PRKN: variants seen among roughly 807,000 people sequenced by gnomAD.
PRKN encodes E3 ubiquitin-protein ligase parkin.
In PRKN, 56 loss-of-function variants were observed where a neutral mutation model predicts 59.5. The ratio of observed to expected loss-of-function variants is 0.94; its 90% confidence interval spans 0.76 to 1.18. The LOEUF (loss-of-function observed/expected upper bound fraction) is 1.18, where lower values mean the gene tolerates loss of function less well. Ranked by LOEUF, PRKN falls within the 50% of genes most tolerant of loss-of-function variation. The probability of loss-of-function intolerance (pLI) is 0.00; values close to 1 mark genes in which losing one functional copy is unlikely to be tolerated. For synonymous variants in PRKN, 250 were observed against 222.1 expected (o/e 1.13, Z -1.12); for missense variants, 657 against 596.4 (o/e 1.10, Z -1.06).
intron 5 of PRKN, among the ~76,000 whole-genome samples, chr6:162,031,055 A>G (rs1273108825): frequency 1.3e-5 from 2 of 152,166 alleles, no homozygotes; most frequent in African/African-American, 4.8e-5. Context: ...GAAGAAGTTG[A>G]CATTACATAA....
chr6:162,186,987 A>G (rs1784060093), intron 4 of PRKN, among the ~76,000 whole-genome samples: 1 of 152,104 alleles, frequency 6.6e-6, no homozygotes, highest in Non-Finnish European at 1.5e-5. Flanking sequence ...TTCAGGTCTG[A>G]CCCGAGTCCC....
chr6:162,716,090 C>T (rs888685069), intron 1 of PRKN, among the ~76,000 whole-genome samples: 1 of 152,198 alleles, frequency 6.6e-6, no homozygotes, highest in Non-Finnish European at 1.5e-5. Context: ...ATCATAAATC[C>T]TATAATTTAA....
intron 5 of PRKN, among the ~76,000 whole-genome samples, chr6:161,989,589 A>G (rs1323747759): frequency 2.6e-5 from 4 of 151,844 alleles, no homozygotes; most frequent in African/African-American, 4.8e-5. Flanking sequence ...GGACCTGGGG[A>G]CCAATGTGTC....
intron 1 of PRKN, among the ~76,000 whole-genome samples, chr6:162,587,456 C>G (rs1781109588): frequency 6.6e-6 from 1 of 152,078 alleles, no homozygotes; most frequent in Non-Finnish European, 1.5e-5. Context: ...TTTATTAAAA[C>G]CTGGGGTTAC....
intron 2 of PRKN, among the ~76,000 whole-genome samples, chr6:162,359,079 A>AAATATATATATATATATAT (rs57265104): frequency 1.2e-5 from 1 of 83,274 alleles, no homozygotes; most frequent in African/African-American, 7.3e-5. Flanking sequence ...AAAAAAAAAA[A>AAATATATATATATATATAT]ATATATATAT....
intron 4 of PRKN, among the ~76,000 whole-genome samples, chr6:162,194,308 A>C (rs1784409737): frequency 6.6e-6 from 1 of 152,230 alleles, no homozygotes; most frequent in Admixed American, 6.5e-5. Context: ...TACTTGAATA[A>C]ATTCCAAAAG....
At chr6:162,367,559 T>C (rs1186780372) in intron 2 of PRKN, among the ~76,000 whole-genome samples, 3 of 152,174 alleles carry the variant, frequency 2.0e-5, no homozygotes, top group African/African-American at 7.2e-5. Context: ...GGACCATCTC[T>C]GATTTCATTC....
chr6:161,526,621 A>T lies in PRKN; in HGVS notation c.1083+22233T>A, dbSNP rs6933493. ...ATATAATGAAATAAAATCTCAAAGCATCAGTAATTGCTACATGAGGAGCAA... is the reference window on the plus strand; with the variant it reads ...ATATAATGAAATAAAATCTCAAAGCTTCAGTAATTGCTACATGAGGAGCAA... On this transcript the variant is annotated intron_variant, in intron 9 of 11. Coordinates refer to ENST00000366898, the MANE Select transcript of PRKN (RefSeq NM_004562.3). This position sits in a 1 kb window ranked among gnomAD's most constrained non-coding sequence, Gnocchi z 4.1. 0.071 allele frequency among the ~76,000 whole-genome samples: 10,744 copies of T among 151,092 alleles called. 512 individuals carry two copies. Among genetic ancestry groups the T allele is most frequent in the African/African-American group, 0.13 (5,408 of 41,316 alleles).
chr6:161,466,475 A>G lies in PRKN; in HGVS notation c.1084-79598T>C, dbSNP rs190688208. ...TTTCTCCTCCAGTCAACTAGTTTCTATTTTTGCACTCATCTGCTCTGATCT... is the reference window on the plus strand; with the variant it reads ...TTTCTCCTCCAGTCAACTAGTTTCTGTTTTTGCACTCATCTGCTCTGATCT... On this transcript the variant is annotated intron_variant, in intron 9 of 11. Coordinates refer to ENST00000366898, the MANE Select transcript of PRKN (RefSeq NM_004562.3). The surrounding 1 kb of genome is among the most constrained non-coding windows in gnomAD (Gnocchi z 5.0). Among the ~76,000 whole-genome samples, 378 of 152,224 alleles carry G rather than the reference A, an allele frequency of 2.5e-3. 1 individual carries two copies. Among genetic ancestry groups the G allele is most frequent in the African/African-American group, 8.7e-3 (363 of 41,548 alleles).
At chr6:161,899,294 A>G (rs1245535106) in intron 6 of PRKN, among the ~76,000 whole-genome samples, 1 of 152,242 alleles carries the variant, frequency 6.6e-6, no homozygotes. Flanking sequence ...GAGAATTACA[A>G]AATGTTATAC....
chr6:161,968,781 A>T (rs1780684945), intron 6 of PRKN, among the ~76,000 whole-genome samples: 1 of 152,184 alleles, frequency 6.6e-6, no homozygotes, highest in African/African-American at 2.4e-5. Context: ...ATAATATTTT[A>T]AAATAAAGAC....
chr6:162,710,291 G>A (rs756263640), intron 1 of PRKN, among the ~76,000 whole-genome samples: 3 of 151,016 alleles, frequency 2.0e-5, no homozygotes, highest in Non-Finnish European at 4.4e-5. Flanking sequence ...TCTGAACTCA[G>A]CTGCTTTAAG....
intron 3 of PRKN, among the ~76,000 whole-genome samples, chr6:162,217,006 T>A (rs1001869285): frequency 8.5e-5 from 13 of 152,212 alleles, no homozygotes; most frequent in African/African-American, 3.1e-4. Context: ...CTTTAATACT[T>A]AATTGATATT....
rs916056437 is a variant in PRKN at position 161,874,172 on chromosome 6, A to T, written c.735-88264T>A. On this transcript the variant is annotated intron_variant, in intron 6 of 11. Transcript: ENST00000366898. ...TAATATATATTATATATAATATATA[A>T]TATATATTATATATAATATATAATA... Among the ~76,000 whole-genome samples, 87 of 44,844 alleles carry T rather than the reference A, an allele frequency of 1.9e-3. 3 individuals are homozygous for T. The highest frequency in any genetic ancestry group is 0.014 in the East Asian group (17 of 1,190). The allele number at this position is 44,844 out of a possible 152,430, so 29.4% of individuals were successfully genotyped here. A position where few individuals can be genotyped will look rare whatever the true frequency, so the allele number is the denominator to read the frequency against.
rs1786828579 is a variant in PRKN, at chr6:161,397,687, T to G, written c.1084-10810A>C. ...ACAGAATAATGGCAATCATCAAACC[T>G]TTGCAGAATAAACAAGCAGTAGTAG... On this transcript the variant is annotated intron_variant, in intron 9 of 11. Coordinates refer to ENST00000366898, the MANE Select transcript of PRKN (RefSeq NM_004562.3). This position sits in a 1 kb window ranked among gnomAD's most constrained non-coding sequence, Gnocchi z 4.2. 6.6e-6 allele frequency among the ~76,000 whole-genome samples: 1 copy of G among 152,152 alleles called. No individual in the cohort carries two copies. Among genetic ancestry groups the G allele is most frequent in the South Asian group, 2.1e-4 (1 of 4,822 alleles).
intron 5 of PRKN, among the ~76,000 whole-genome samples, chr6:161,987,396 C>T (rs1167088963): frequency 2.0e-5 from 3 of 152,156 alleles, no homozygotes; most frequent in Non-Finnish European, 2.9e-5. Flanking sequence ...GTGCTTTATA[C>T]ATATGATCAT....
At chr6:161,805,062 C>A (rs189170608) in intron 6 of PRKN, among the ~76,000 whole-genome samples, 2 of 152,260 alleles carry the variant, frequency 1.3e-5, no homozygotes, top group Non-Finnish European at 2.9e-5. Flanking sequence ...GCCACTAAAC[C>A]ACATTTCCAC....
chr6:161,902,550 T>TATCTATCTATCTCTCTATCTATC (rs1554245408), intron 6 of PRKN, among the ~76,000 whole-genome samples: 1 of 101,360 alleles, frequency 9.9e-6, no homozygotes. Flanking sequence ...ATCTATCTAT[T>TATCTATCTATCTCTCTATCTATC]TATTTATTTA....
At chr6:161,928,081 T>G (rs1228548544) in intron 6 of PRKN, among the ~76,000 whole-genome samples, 1 of 152,192 alleles carries the variant, frequency 6.6e-6, no homozygotes, top group Non-Finnish European at 1.5e-5. Context: ...TGATTGGGAT[T>G]AGTGTCTTTA....
Sources: gnomAD v4.1 joint callset for allele counts (sites outside exome capture counted in the v4.1 genomes callset) on GRCh38, gnomAD v4.1.1 for gene constraint, Gnocchi (gnomAD v3.1) non-coding constraint, MANE v1.5 for transcripts, NCBI Gene and HGNC (gene_info 2026-07-23, HGNC 2026-07-21) for gene names.